The following MOSMO variants were observed in gnomAD, a reference collection of about 807,000 sequenced individuals.
The protein encoded by MOSMO is modulator of smoothened, also known as modulator of smoothened protein.
MOSMO carries 5 observed loss-of-function variants against 18.4 expected under a neutral mutation model. The observed-to-expected ratio is 0.27, with a 90% CI of 0.14 to 0.57. MOSMO has a LOEUF of 0.57. Ranked by LOEUF, MOSMO falls within the 20% of genes least tolerant of loss-of-function variation. The probability of loss-of-function intolerance (pLI) is 0.92; values close to 1 mark genes in which losing one functional copy is unlikely to be tolerated. For missense variants in MOSMO, 138 were observed against 211.8 expected (o/e 0.65, Z 2.16); for synonymous variants, 82 against 82.3 (o/e 1.00, Z 0.02).
intron 1 of MOSMO, among the ~76,000 whole-genome samples, chr16:22,033,045 G>A (rs1567503817): frequency 6.6e-6 from 1 of 152,148 alleles, no homozygotes; most frequent in Non-Finnish European, 1.5e-5. Flanking sequence ...ATTGATCTAT[G>A]TCCTTATACC....
chr16:22,061,785 A>T (rs1015848621), intron 1 of MOSMO, among the ~76,000 whole-genome samples: 2 of 152,152 alleles, frequency 1.3e-5, no homozygotes, highest in Non-Finnish European at 2.9e-5. Flanking sequence ...TGCTTAGGAG[A>T]TCATGGCTAC....
chr16:22,045,613 C>G (rs1211087977), intron 1 of MOSMO, among the ~76,000 whole-genome samples: 3 of 152,168 alleles, frequency 2.0e-5, no homozygotes, highest in Non-Finnish European at 4.4e-5. Flanking sequence ...TAGCATATTT[C>G]ATTTACTCAA....
chr16:22,020,270 A>G (rs893529013), intron 1 of MOSMO, among the ~76,000 whole-genome samples: 1 of 148,008 alleles, frequency 6.8e-6, no homozygotes. Flanking sequence ...TCCAGCTACT[A>G]TATAATCATT....
intron 1 of MOSMO, among the ~76,000 whole-genome samples, chr16:22,046,489 T>C (rs1306971086): frequency 6.6e-6 from 1 of 152,154 alleles, no homozygotes; most frequent in Non-Finnish European, 1.5e-5. Flanking sequence ...ATATTATATA[T>C]TAATAATCCT....
intron 1 of MOSMO, among the ~76,000 whole-genome samples, chr16:22,056,609 CCCGA>C (rs1422046113): frequency 6.6e-6 from 1 of 151,578 alleles, no homozygotes; most frequent in Non-Finnish European, 1.5e-5. Context: ...GTCTCAAGCT[CCCGA>C]CCTTAGGTGA....
At chr16:22,067,652 G>A (rs1179927338) in intron 1 of MOSMO, among the ~76,000 whole-genome samples, 2 of 152,140 alleles carry the variant, frequency 1.3e-5, no homozygotes, top group African/African-American at 2.4e-5. Context: ...TTGAGGTCAG[G>A]AGTTTGAGAC....
intron 1 of MOSMO, among the ~76,000 whole-genome samples, chr16:22,048,305 A>G (rs1288898211): frequency 6.6e-6 from 1 of 152,254 alleles, no homozygotes; most frequent in Non-Finnish European, 1.5e-5. Flanking sequence ...GCTGCTGTAT[A>G]CAAAGGACTT....
intron 1 of MOSMO, among the ~76,000 whole-genome samples, chr16:22,063,988 C>T (rs1900701717): frequency 1.3e-5 from 2 of 152,154 alleles, no homozygotes; most frequent in South Asian, 4.1e-4. Context: ...AGTCTCAGCG[C>T]TGCTAATTAA....
At chr16:22,010,467 G>A (rs569462726) in intron 1 of MOSMO, among the ~76,000 whole-genome samples, 6 of 152,222 alleles carry the variant, frequency 3.9e-5, no homozygotes, top group South Asian at 4.2e-4. Flanking sequence ...AAGGGGTTTC[G>A]GTGCTGTAGC....
intron 1 of MOSMO, among the ~76,000 whole-genome samples, chr16:22,060,574 T>C (rs1026416528): frequency 6.6e-6 from 1 of 152,138 alleles, no homozygotes; most frequent in Non-Finnish European, 1.5e-5. Context: ...CTGCTGGGAA[T>C]GTAAAATAGT....
chr16:22,050,061 G>A (rs1389769335), intron 1 of MOSMO, among the ~76,000 whole-genome samples: 1 of 152,128 alleles, frequency 6.6e-6, no homozygotes, highest in Non-Finnish European at 1.5e-5. Flanking sequence ...TTTAATTTTG[G>A]AAATTAAAAG....
chr16:22,061,917 T>C (rs1900652435), intron 1 of MOSMO, among the ~76,000 whole-genome samples: 1 of 152,204 alleles, frequency 6.6e-6, no homozygotes, highest in Non-Finnish European at 1.5e-5. Context: ...TATGCTGAAT[T>C]TAACTACAAT....
rs907518152 is a variant in MOSMO at position 22,078,267 on chromosome 16, A to G, written c.320-2429A>G. Among the ~76,000 whole-genome samples the G allele has an allele frequency of 3.9e-5, 6 of 152,270 alleles. No homozygotes were observed. The East Asian group carries it at 9.7e-4, about 25-fold the overall frequency. ...ATTTAGGATCCAAAGCTCAGCCTTC[A>G]AAGTTTGATATTATCAGCATTAATA... On this transcript the variant is annotated intron_variant, in intron 2 of 2. Coordinates refer to ENST00000542527, the MANE Select transcript of MOSMO (RefSeq NM_001164579.2).
At chr16:22,052,601 C>T (rs934668472) in intron 1 of MOSMO, among the ~76,000 whole-genome samples, 3 of 152,090 alleles carry the variant, frequency 2.0e-5, no homozygotes, top group African/African-American at 7.2e-5. Flanking sequence ...CAACAAACTT[C>T]TAGAAATCTG....
At chr16:22,051,083 A>G (rs558682778) in intron 1 of MOSMO, among the ~76,000 whole-genome samples, 7 of 152,060 alleles carry the variant, frequency 4.6e-5, no homozygotes, top group Non-Finnish European at 8.8e-5. Context: ...TATAAAAGAC[A>G]TGATTATTAA....
At chr16:22,045,393 T>C (rs1900287811) in intron 1 of MOSMO, among the ~76,000 whole-genome samples, 1 of 152,170 alleles carries the variant, frequency 6.6e-6, no homozygotes, top group African/African-American at 2.4e-5. Flanking sequence ...TAGAGCACCA[T>C]AGTCTTTATA....
At chr16:22,039,595 G>T (rs563235718) in intron 1 of MOSMO, among the ~76,000 whole-genome samples, 1 of 152,196 alleles carries the variant, frequency 6.6e-6, no homozygotes, top group Non-Finnish European at 1.5e-5. Flanking sequence ...ACTTTGGGGG[G>T]CCAAGGTGGG....
intron 1 of MOSMO, among the ~76,000 whole-genome samples, chr16:22,058,304 T>C (rs1358606159): frequency 6.6e-6 from 1 of 151,608 alleles, no homozygotes; most frequent in Non-Finnish European, 1.5e-5. Flanking sequence ...CGTGCTCCTG[T>C]AATCCCAGCT....
chr16:22,050,810 T>C (rs2141745164), intron 1 of MOSMO, among the ~76,000 whole-genome samples: 1 of 148,646 alleles, frequency 6.7e-6, no homozygotes, highest in African/African-American at 2.5e-5. Context: ...GGTAGGAGGA[T>C]CACTTGAGCC....
Sources: allele counts gnomAD v4.1 joint callset (sites outside exome capture counted in the v4.1 genomes callset), GRCh38; gene constraint gnomAD v4.1.1; transcripts MANE v1.5; gene names NCBI Gene and HGNC (gene_info 2026-07-23, HGNC 2026-07-21).